The following MARVELD2 variants were observed in gnomAD, a reference collection of about 807,000 sequenced individuals.
MARVELD2 encodes MARVEL domain containing 2.
A neutral mutation model predicts 57.6 loss-of-function variants in MARVELD2; 49 were observed. That is an observed-to-expected ratio of 0.85 (90% CI 0.68 to 1.08). MARVELD2 has a LOEUF of 1.08. MARVELD2 is among the 50% of genes least tolerant of loss of function. The pLI is 0.00. For synonymous variants in MARVELD2, 238 were observed against 258.8 expected (o/e 0.92, Z 0.77); for missense variants, 606 against 701.1 (o/e 0.86, Z 1.53).
rs560425477 is a variant in MARVELD2 at position 69,416,367 on chromosome 5, C to A, written c.-16+1197C>A. Among the ~76,000 whole-genome samples, 14 of 152,340 alleles carry A rather than the reference C, an allele frequency of 9.2e-5. 1 individual carries two copies. In the South Asian group the frequency reaches 2.7e-3, roughly 29 times the overall value. On this transcript the variant is annotated intron_variant, in intron 1 of 6. Coordinates refer to ENST00000325631, the MANE Select transcript of MARVELD2 (RefSeq NM_001038603.3). ...CCCTGCTGGGGCCATCACAGTTAAT[C>A]CTCTAAGGTCGGAGTGCCCTATTAG...
intron 3 of MARVELD2, among the ~76,000 whole-genome samples, chr5:69,424,951 G>A (rs376435650): frequency 9.3e-4 from 141 of 152,114 alleles, no homozygotes; most frequent in African/African-American, 3.3e-3. Flanking sequence ...CTTGAATCTG[G>A]GAGGTGAAGG....
At chr5:69,437,106 T>C (rs1767168015) in intron 5 of MARVELD2, among the ~76,000 whole-genome samples, 1 of 151,472 alleles carries the variant, frequency 6.6e-6, no homozygotes, top group African/African-American at 2.4e-5. Flanking sequence ...AGAGAATTGC[T>C]TGAACCCGGG....
chr5:69,424,488 T>C (rs1766723614), intron 2 of MARVELD2, 113 bp from the exon 3 acceptor site: 1 of 844,674 alleles, frequency 1.2e-6, no homozygotes, highest in Non-Finnish European at 2.0e-6. Flanking sequence ...ACCCGTCAAG[T>C]AGAGGATCAA....
chr5:69,441,665 A>T lies in MARVELD2; in HGVS notation c.*11A>T. The T allele has an allele frequency of 6.6e-7, 1 of 1,526,300 alleles. No individual in the cohort carries two copies. The highest frequency in any genetic ancestry group is 9.0e-7 in the Non-Finnish European group (1 of 1,105,420). The allele number at this position is 1,526,300 out of a possible 1,614,324, so 94.5% of individuals were successfully genotyped here. On this transcript the variant is annotated 3_prime_UTR_variant, in exon 7 of 7. Coordinates refer to ENST00000325631, the MANE Select transcript of MARVELD2 (RefSeq NM_001038603.3). ...CAAGGTTATTCTTAACGCTTATTTGAAACCACTTTATTTTTTTATTTTATT... is the reference window on the plus strand; with the variant it reads ...CAAGGTTATTCTTAACGCTTATTTGTAACCACTTTATTTTTTTATTTTATT...
At chr5:69,424,306 A>G (rs977480058) in intron 2 of MARVELD2, among the ~76,000 whole-genome samples, 1 of 152,148 alleles carries the variant, frequency 6.6e-6, no homozygotes, top group Non-Finnish European at 1.5e-5. Context: ...AAGTAATGGG[A>G]GGCAAGAATA....
At chr5:69,421,860 A>G (rs1337710881) in intron 2 of MARVELD2, among the ~76,000 whole-genome samples, 1 of 147,060 alleles carries the variant, frequency 6.8e-6, no homozygotes, top group African/African-American at 2.5e-5. Context: ...CTGTTGCGGG[A>G]AGTCAGGGAC....
intron 5 of MARVELD2, among the ~76,000 whole-genome samples, chr5:69,437,238 G>T (rs528206482): frequency 3.3e-5 from 5 of 149,672 alleles, no homozygotes; most frequent in Non-Finnish European, 7.4e-5. Context: ...AAAATTAGCC[G>T]CACGTGGTGG....
At position 69,441,851 on chromosome 5, in the gene MARVELD2, C is replaced by T. The variant is rs764933658; in HGVS notation, c.*197C>T. ...ATTACAGGCGTGCGCTGCCACACCC[C>T]GCTAATTTTTGTATTTTTAGTAGAG... On this transcript the variant is annotated 3_prime_UTR_variant, in exon 7 of 7. Transcript: ENST00000325631. 1.4e-4 allele frequency: 56 copies of T among 387,488 alleles called. No homozygotes were observed. The highest frequency in any genetic ancestry group is 2.3e-4 in the Non-Finnish European group (49 of 209,226). The allele number at this position is 387,488 out of a possible 1,614,324, so 24.0% of individuals were successfully genotyped here. A position where few individuals can be genotyped will look rare whatever the true frequency, so the allele number is the denominator to read the frequency against.
At chr5:69,431,721 C>T (rs1374983287) in intron 3 of MARVELD2, among the ~76,000 whole-genome samples, 1 of 151,726 alleles carries the variant, frequency 6.6e-6, no homozygotes, top group African/African-American at 2.4e-5. Context: ...ATTACAGAAA[C>T]GTTCAGAACA....
intron 1 of MARVELD2, among the ~76,000 whole-genome samples, chr5:69,416,304 T>A (rs1253074501): frequency 2.0e-5 from 3 of 152,232 alleles, no homozygotes. Context: ...CAAAAATAAC[T>A]GATTGTTATA....
intron 5 of MARVELD2, among the ~76,000 whole-genome samples, chr5:69,435,559 G>T (rs932425515): frequency 1.3e-5 from 2 of 151,276 alleles, no homozygotes; most frequent in African/African-American, 4.9e-5. Flanking sequence ...TTCGAGACCA[G>T]CCTGGCCAAC....
rs780204358 is a variant in MARVELD2 at position 69,441,660 on chromosome 5, A to C, written c.*6A>C. 6 of 1,534,280 alleles carry C rather than the reference A, an allele frequency of 3.9e-6. No individual in the cohort carries two copies. Among genetic ancestry groups the C allele is most frequent in the Non-Finnish European group, 9.0e-7 (1 of 1,112,134 alleles). ...ATGTACAAGGTTATTCTTAACGCTT[A>C]TTTGAAACCACTTTATTTTTTTATT... On this transcript the variant is annotated 3_prime_UTR_variant, in exon 7 of 7. Coordinates refer to ENST00000325631, the MANE Select transcript of MARVELD2 (RefSeq NM_001038603.3).
At chr5:69,424,035 A>G (rs1015016233) in intron 2 of MARVELD2, among the ~76,000 whole-genome samples, 2 of 152,210 alleles carry the variant, frequency 1.3e-5, no homozygotes, top group Admixed American at 1.3e-4. Context: ...TGCTAGTTGC[A>G]TAAGTTATTA....
intron 2 of MARVELD2, among the ~76,000 whole-genome samples, chr5:69,424,197 G>C (rs369876078): frequency 2.0e-5 from 3 of 152,292 alleles, no homozygotes; most frequent in African/African-American, 7.2e-5. Context: ...GTGCCTGTCT[G>C]TACGTTGCTA....
chr5:69,441,460 T>TG, intron 6 of MARVELD2, 72 bp from the exon 7 acceptor site: 1 of 1,567,052 alleles, frequency 6.4e-7, no homozygotes, highest in Non-Finnish European at 8.7e-7. Context: ...ATTTCCTGGG[T>TG]GACAATGTAT....
At chr5:69,439,882 T>C (rs1429488282) in intron 5 of MARVELD2, among the ~76,000 whole-genome samples, 3 of 152,282 alleles carry the variant, frequency 2.0e-5, no homozygotes, top group East Asian at 3.9e-4. Flanking sequence ...TCCCTTTGGA[T>C]AGGCCGTTCA....
intron 2 of MARVELD2, among the ~76,000 whole-genome samples, chr5:69,423,025 G>A (rs1766678512): frequency 1.3e-5 from 2 of 152,084 alleles, no homozygotes; most frequent in South Asian, 4.1e-4. Flanking sequence ...AGCCCCCCTA[G>A]TAGCTGGGAT....
chr5:69,427,252 C>T lies in MARVELD2; in HGVS notation c.1182+2616C>T, dbSNP rs561455500. Among the ~76,000 whole-genome samples, 10 of 152,136 alleles carry T rather than the reference C, an allele frequency of 6.6e-5. No individual in the cohort carries two copies. The South Asian group carries it at 2.1e-3, about 32-fold the overall frequency. ...GGTTTATATTATAAGCTAGAAAAGC[C>T]GGAATCTAATGTGGGCATGGAACGT... On this transcript the variant is annotated intron_variant, in intron 3 of 6. Coordinates refer to ENST00000325631, the MANE Select transcript of MARVELD2 (RefSeq NM_001038603.3).
chr5:69,433,063 C>G lies in MARVELD2; in HGVS notation c.1473C>G (p.Ser491Arg). The G allele has an allele frequency of 6.2e-7, 1 of 1,613,420 alleles. No homozygotes were observed. Among genetic ancestry groups the G allele is most frequent in the African/African-American group, 1.3e-5 (1 of 74,790 alleles). The change falls in exon 5 of 7, where the codon AGC becomes AGG. Residue 491 changes from serine to arginine, a missense_variant. Transcript: ENST00000325631. ...RKFDELDAVM[S>R]RLPHHSESRQ... ...TTGATGAGCTGGATGCAGTGATGAGCAGATTGCCACATCATTCGGAAAGCC... is the reference window on the plus strand; with the variant it reads ...TTGATGAGCTGGATGCAGTGATGAGGAGATTGCCACATCATTCGGAAAGCC...
Sources: allele counts gnomAD v4.1 joint callset (sites outside exome capture counted in the v4.1 genomes callset), GRCh38; gene constraint gnomAD v4.1.1; transcripts MANE v1.5; gene names NCBI Gene and HGNC (gene_info 2026-07-23, HGNC 2026-07-21).